The following NAALADL2 variants were observed in gnomAD, a reference collection of about 807,000 sequenced individuals.
NAALADL2 encodes N-acetylated alpha-linked acidic dipeptidase like 2.
A neutral mutation model predicts 87.2 loss-of-function variants in NAALADL2; 76 were observed. The observed-to-expected ratio is 0.87, with a 90% CI of 0.72 to 1.05. The LOEUF (loss-of-function observed/expected upper bound fraction) is 1.05, where lower values mean the gene tolerates loss of function less well. Ranked by LOEUF, NAALADL2 falls within the 50% of genes least tolerant of loss-of-function variation. NAALADL2 has a pLI of 0.00. For missense variants in NAALADL2, 1,089 were observed against 945.8 expected (o/e 1.15, Z -1.99); for synonymous variants, 354 against 331.0 (o/e 1.07, Z -0.75).
At chr3:174,529,455 A>C (rs891672105) in intron 1 of NAALADL2, among the ~76,000 whole-genome samples, 2 of 152,018 alleles carry the variant, frequency 1.3e-5, no homozygotes, top group Non-Finnish European at 2.9e-5. Flanking sequence ...TACCATTCTG[A>C]GGTCTGGAGG....
chr3:175,231,370 T>C (rs560588997), intron 2 of NAALADL2, among the ~76,000 whole-genome samples: 48 of 152,198 alleles, frequency 3.2e-4, no homozygotes, highest in African/African-American at 1.1e-3. Context: ...GTGTTTAAAT[T>C]ATTTCATATT....
intron 11 of NAALADL2, among the ~76,000 whole-genome samples, chr3:175,672,623 A>G (rs1375992435): frequency 1.3e-5 from 2 of 152,230 alleles, no homozygotes; most frequent in African/African-American, 4.8e-5. Flanking sequence ...GTTAGGGGTC[A>G]TAAATCGGAA....
In NAALADL2 at chr3:175,443,102, A is replaced by G. The variant is rs150588936; in HGVS notation, c.1091-4127A>G. On this transcript the variant is annotated intron_variant, in intron 5 of 13. Coordinates refer to ENST00000454872, the MANE Select transcript of NAALADL2 (RefSeq NM_207015.3). ...TTTGTTTTAAAAATAACTTCTGTCT[A>G]TAATTTAATCTTAGTGTCTTGTAAA... Among the ~76,000 whole-genome samples the G allele has an allele frequency of 1.9e-3, 286 of 152,340 alleles. 2 individuals are homozygous for G. The highest frequency in any genetic ancestry group is 5.7e-3 in the African/African-American group (239 of 41,594).
chr3:175,607,898 A>AACAC (rs759390811), intron 10 of NAALADL2, among the ~76,000 whole-genome samples: 9,257 of 109,480 alleles, frequency 0.085, 558 homozygotes, highest in African/African-American at 0.18. Context: ...GGTGACATGG[A>AACAC]ACACACACAC....
intron 10 of NAALADL2, among the ~76,000 whole-genome samples, chr3:175,611,527 G>C (rs1244095666): frequency 6.6e-6 from 1 of 152,008 alleles, no homozygotes; most frequent in Non-Finnish European, 1.5e-5. Flanking sequence ...TTTAAGTCTA[G>C]AAGTTTAATG....
chr3:174,832,620 TC>T (rs1722858725), intron 3 of NAALADL2, among the ~76,000 whole-genome samples: 1 of 152,026 alleles, frequency 6.6e-6, no homozygotes, highest in South Asian at 2.1e-4. Flanking sequence ...TGCCACCACA[TC>T]CGGCTAATTT....
At chr3:175,042,544 T>C (rs1294775791) in intron 1 of NAALADL2, among the ~76,000 whole-genome samples, 1 of 152,094 alleles carries the variant, frequency 6.6e-6, no homozygotes, top group Non-Finnish European at 1.5e-5. Context: ...CAATTTATAT[T>C]CCCCCCAACA....
chr3:175,520,956 C>T (rs565805858), intron 9 of NAALADL2, among the ~76,000 whole-genome samples: 12 of 152,182 alleles, frequency 7.9e-5, no homozygotes, highest in Admixed American at 5.9e-4. Context: ...TCTAAAATTT[C>T]GTGTTCTGTT....
intron 5 of NAALADL2, among the ~76,000 whole-genome samples, chr3:175,368,447 G>A (rs1765962848): frequency 1.3e-5 from 2 of 152,064 alleles, no homozygotes; most frequent in South Asian, 4.1e-4. Flanking sequence ...GTTCCTCCTT[G>A]TACCTCTGGT....
intron 1 of NAALADL2, among the ~76,000 whole-genome samples, chr3:175,079,032 A>G (rs1353742479): frequency 2.6e-5 from 4 of 152,232 alleles, no homozygotes; most frequent in Non-Finnish European, 4.4e-5. Context: ...CAGCTGCACC[A>G]TTATACATTC....
intron 13 of NAALADL2, among the ~76,000 whole-genome samples, chr3:175,779,895 A>G (rs1321191254): frequency 6.6e-6 from 1 of 152,098 alleles, no homozygotes; most frequent in African/African-American, 2.4e-5. Flanking sequence ...TATTCCTATC[A>G]CATGTAATAT....
chr3:175,693,679 G>T (rs149569857), intron 11 of NAALADL2, among the ~76,000 whole-genome samples: 1 of 152,064 alleles, frequency 6.6e-6, no homozygotes, highest in South Asian at 2.1e-4. Context: ...AAAAGTGACA[G>T]ATTTAGTTTT....
chr3:174,509,662 GT>G (rs1394112821), intron 1 of NAALADL2, among the ~76,000 whole-genome samples: 15 of 133,526 alleles, frequency 1.1e-4, no homozygotes, highest in Non-Finnish European at 2.1e-4. Context: ...TCCTGACCTC[GT>G]AATCCGCCCA....
intron 1 of NAALADL2, among the ~76,000 whole-genome samples, chr3:175,010,703 T>C (rs372744414): frequency 5.9e-5 from 9 of 152,126 alleles, no homozygotes; most frequent in African/African-American, 1.9e-4. Flanking sequence ...CCTATGTCTT[T>C]TAGTGAAATG....
intron 2 of NAALADL2, among the ~76,000 whole-genome samples, chr3:174,697,479 T>G (rs1578582131): frequency 6.6e-6 from 1 of 152,090 alleles, no homozygotes; most frequent in Non-Finnish European, 1.5e-5. Flanking sequence ...CCTGAAAGGT[T>G]GAAGGATGCT....
chr3:174,882,862 T>C (rs371888366), intron 1 of NAALADL2, among the ~76,000 whole-genome samples: 203 of 139,898 alleles, frequency 1.5e-3, no homozygotes, highest in African/African-American at 5.1e-3. Flanking sequence ...TATATATACA[T>C]ATGTGTATAT....
intron 3 of NAALADL2, among the ~76,000 whole-genome samples, chr3:174,837,077 A>G (rs576227378): frequency 3.8e-4 from 58 of 152,328 alleles, no homozygotes; most frequent in African/African-American, 1.4e-3. Flanking sequence ...CTAAGGTCAC[A>G]CTTAAGGAAC....
intron 2 of NAALADL2, among the ~76,000 whole-genome samples, chr3:175,156,292 T>C (rs987845407): frequency 4.4e-4 from 48 of 109,896 alleles, no homozygotes; most frequent in African/African-American, 1.2e-3. Context: ...TTAGATTTCA[T>C]GTTCTTTATT....
intron 1 of NAALADL2, among the ~76,000 whole-genome samples, chr3:174,860,119 G>C (rs1021103240): frequency 4.6e-5 from 7 of 152,012 alleles, no homozygotes; most frequent in Admixed American, 1.3e-4. Context: ...GGTAACAAAA[G>C]TTATTTCTTA....
Sources: allele counts gnomAD v4.1 joint callset (sites outside exome capture counted in the v4.1 genomes callset), GRCh38; gene constraint gnomAD v4.1.1; transcripts MANE v1.5; gene names NCBI Gene and HGNC (gene_info 2026-07-23, HGNC 2026-07-21).